The following RETREG3 variants were observed in gnomAD, a reference collection of about 807,000 sequenced individuals.
The protein encoded by RETREG3 is reticulophagy regulator family member 3.
RETREG3 carries 23 observed loss-of-function variants against 50.2 expected under a neutral mutation model. The ratio of observed to expected loss-of-function variants is 0.46; its 90% CI spans 0.33 to 0.65. The LOEUF (loss-of-function observed/expected upper bound fraction) is 0.65, where lower values mean the gene tolerates loss of function less well. RETREG3 is among the 30% of genes least tolerant of loss of function. The pLI, the probability that RETREG3 is intolerant of heterozygous loss-of-function variation, is 0.02. For synonymous variants in RETREG3, 240 were observed against 234.4 expected (o/e 1.02, Z -0.22); for missense variants, 546 against 598.0 (o/e 0.91, Z 0.91).
At chr17:42,587,756 G>C in intron 3 of RETREG3, 78 bp downstream of exon 3, 1 of 1,536,036 alleles carries the variant, frequency 6.5e-7, no homozygotes, top group Non-Finnish European at 9.0e-7. Context: ...CCAGAACATG[G>C]GGTTAACAAC....
At chr17:42,602,014 T>C (rs577408021) in intron 1 of RETREG3, among the ~76,000 whole-genome samples, 1 of 152,264 alleles carries the variant, frequency 6.6e-6, no homozygotes, top group Non-Finnish European at 1.5e-5. Flanking sequence ...GCATTAACTA[T>C]TTTAAACAAA....
At chr17:42,582,869 C>T (rs928152993) in intron 7 of RETREG3, 63 bp from the exon 8 acceptor site, 8 of 1,598,932 alleles carry the variant, frequency 5.0e-6, no homozygotes, top group Admixed American at 1.7e-5. Context: ...TCACCAGGTA[C>T]AGCTTTACTA....
chr17:42,603,870 G>A (rs771813929), intron 1 of RETREG3, among the ~76,000 whole-genome samples: 83 of 152,188 alleles, frequency 5.5e-4, no homozygotes, highest in Non-Finnish European at 6.9e-4. Flanking sequence ...CCAGCTACTC[G>A]GGAGGCTGAG....
chr17:42,595,259 G>A (rs1220297975), intron 1 of RETREG3, among the ~76,000 whole-genome samples: 1 of 150,880 alleles, frequency 6.6e-6, no homozygotes, highest in African/African-American at 2.4e-5. Flanking sequence ...GAGCCACTGC[G>A]CCTGGCCTTT....
At chr17:42,599,779 G>T (rs1423394634) in intron 1 of RETREG3, among the ~76,000 whole-genome samples, 3 of 152,100 alleles carry the variant, frequency 2.0e-5, no homozygotes, top group Non-Finnish European at 4.4e-5. Flanking sequence ...GATCACCTGA[G>T]GTCAGGAGTT....
At chr17:42,586,636 C>CA in intron 4 of RETREG3, 129 bp downstream of exon 4, 1 of 1,340,204 alleles carries the variant, frequency 7.5e-7, no homozygotes, top group East Asian at 2.5e-5. Flanking sequence ...CCTATAGCTT[C>CA]CTTTTGTCTC....
At chr17:42,593,897 C>G (rs1025759281) in intron 1 of RETREG3, among the ~76,000 whole-genome samples, 1 of 151,850 alleles carries the variant, frequency 6.6e-6, no homozygotes, top group African/African-American at 2.4e-5. Context: ...TGAACATGAA[C>G]TATAGAGCCC....
intron 2 of RETREG3, among the ~76,000 whole-genome samples, chr17:42,589,255 C>G (rs894929778): frequency 1.3e-5 from 2 of 152,120 alleles, no homozygotes; most frequent in Non-Finnish European, 2.9e-5. Flanking sequence ...AACCTGTATA[C>G]TCTGGTTTGA....
At chr17:42,605,836 C>T (rs1324815724) in intron 1 of RETREG3, among the ~76,000 whole-genome samples, 1 of 151,762 alleles carries the variant, frequency 6.6e-6, no homozygotes, top group Non-Finnish European at 1.5e-5. Context: ...TACAAAAATA[C>T]AAAAATTAGC....
At chr17:42,600,685 T>G (rs2093156797) in intron 1 of RETREG3, among the ~76,000 whole-genome samples, 1 of 152,208 alleles carries the variant, frequency 6.6e-6, no homozygotes, top group South Asian at 2.1e-4. Context: ...TTACACATGT[T>G]TTAAGCTTTC....
chr17:42,609,348 C>G lies in RETREG3; in HGVS notation c.-24G>C. 1 of 1,585,268 alleles carries G rather than the reference C, an allele frequency of 6.3e-7. No homozygotes were observed. The highest frequency in any genetic ancestry group is 8.5e-7 in the Non-Finnish European group (1 of 1,171,404). On this transcript the variant is annotated 5_prime_UTR_variant, in exon 1 of 9. Coordinates refer to ENST00000309428, the MANE Select transcript of RETREG3 (RefSeq NM_178126.4). ...ATCTCCCCGCGGCAGCCACAACATC[C>G]GGGGCCGTGGCCCGACAAGTCACAA...
In RETREG3 at chr17:42,609,067, G is replaced by A; in HGVS notation, c.239+19C>T. On this transcript the variant is annotated intron_variant, in intron 1 of 8. Transcript: ENST00000309428. ...CGAATTCGGGACTCGGAGGGTTTCC[G>A]AGGGTCCAGTTCTCTCACCAGAAAG... The A allele has an allele frequency of 6.3e-7, 1 of 1,599,178 alleles. No individual in the cohort carries two copies. Among genetic ancestry groups the A allele is most frequent in the Non-Finnish European group, 8.5e-7 (1 of 1,177,484 alleles).
chr17:42,603,845 C>CG (rs923356877), intron 1 of RETREG3, among the ~76,000 whole-genome samples: 3 of 152,050 alleles, frequency 2.0e-5, no homozygotes, highest in African/African-American at 7.2e-5. Flanking sequence ...GGCATGGTGG[C>CG]GGGCGCCTGT....
chr17:42,608,015 T>G (rs1036784596), intron 1 of RETREG3, among the ~76,000 whole-genome samples: 2 of 152,198 alleles, frequency 1.3e-5, no homozygotes, highest in South Asian at 4.1e-4. Flanking sequence ...TTATTTGTTC[T>G]GCTTCAGCTC....
chr17:42,597,484 G>GCCA (rs1448687240), intron 1 of RETREG3, among the ~76,000 whole-genome samples: 3 of 138,888 alleles, frequency 2.2e-5, no homozygotes, highest in African/African-American at 8.2e-5. Context: ...ACCGCGCCCA[G>GCCA]CCAGAATCTA....
Position 42,581,962 on chromosome 17 carries a change from G to A in RETREG3, c.1252C>T (p.Pro418Ser). Residue 418 changes from proline to serine, a missense_variant, in exon 9 of 9, where the codon CCT (proline) becomes TCT (serine). Physicochemically the swap from Pro to Ser is moderately conservative, Grantham distance 74 (BLOSUM62 -1). Coordinates refer to ENST00000309428, the MANE Select transcript of RETREG3 (RefSeq NM_178126.4). ...GCTCTCTGGGCAGGTGCTCCAGAAGGGCCTGGTTGGGAGGCCCCTGACAAG... is the reference window on the plus strand; with the variant it reads ...GCTCTCTGGGCAGGTGCTCCAGAAGAGCCTGGTTGGGAGGCCCCTGACAAG... Reference protein sequence around the residue: ...LALSGASQPGPSGAPAQRATR... With the variant: ...LALSGASQPGSSGAPAQRATR... 8.7e-6 allele frequency: 14 copies of A among 1,614,084 alleles called. No individual in the cohort carries two copies. The highest frequency in any genetic ancestry group is 1.2e-5 in the Non-Finnish European group (14 of 1,180,014).
At position 42,583,567 on chromosome 17, in the gene RETREG3, A is replaced by G. The variant is rs761041271; in HGVS notation, c.741T>C (p.Ala247=). The G allele has an allele frequency of 6.2e-7, 1 of 1,613,586 alleles. No individual in the cohort carries two copies. Among genetic ancestry groups the G allele is most frequent in the South Asian group, 1.1e-5 (1 of 91,070 alleles). The part of the protein sequence containing the change: ...KQRERQLRRR[A]LHPERAMDNH... Reference sequence around the variant, plus strand: ...TGTCCATGGCTCGTTCTGGGTGGAGAGCTCTGCGGCGTACTGTGGGAAGAG... The same window carrying G: ...TGTCCATGGCTCGTTCTGGGTGGAGGGCTCTGCGGCGTACTGTGGGAAGAG... The change falls in exon 7 of 9, where the codon GCT becomes GCC. Residue 247 remains alanine, a synonymous_variant. Transcript: ENST00000309428.
At chr17:42,600,838 G>T (rs1381461714) in intron 1 of RETREG3, among the ~76,000 whole-genome samples, 1 of 152,112 alleles carries the variant, frequency 6.6e-6, no homozygotes, top group Non-Finnish European at 1.5e-5. Flanking sequence ...TAGACAATTA[G>T]CCTGATGTGG....
chr17:42,586,174 A>AT, intron 4 of RETREG3, 37 bp from the exon 5 acceptor site: 1 of 1,601,960 alleles, frequency 6.2e-7, no homozygotes, highest in Non-Finnish European at 8.6e-7. Flanking sequence ...TTTCTGTCAC[A>AT]TGGCAGGGGA....
Sources: allele counts gnomAD v4.1 joint callset (sites outside exome capture counted in the v4.1 genomes callset), GRCh38; gene constraint gnomAD v4.1.1; transcripts MANE v1.5; gene names NCBI Gene and HGNC (gene_info 2026-07-23, HGNC 2026-07-21).